The following TRIM41 variants were observed in gnomAD, a reference collection of about 807,000 sequenced individuals.
The protein encoded by TRIM41 is tripartite motif containing 41.
A neutral mutation model predicts 60.6 loss-of-function variants in TRIM41; 21 were observed. That is an observed-to-expected ratio of 0.35 (90% CI 0.25 to 0.50). The LOEUF (loss-of-function observed/expected upper bound fraction) is 0.50, where lower values mean the gene tolerates loss of function less well. Ranked by LOEUF, TRIM41 falls within the 20% of genes least tolerant of loss-of-function variation. The pLI is 0.98. For synonymous variants in TRIM41, 407 were observed against 344.9 expected (o/e 1.18, Z -2.00); for missense variants, 846 against 868.3 (o/e 0.97, Z 0.32).
In TRIM41 at chr5:181,233,672, G is replaced by A; in HGVS notation, c.1200G>A (p.Trp400Ter). 1 of 1,614,154 alleles carries A rather than the reference G, an allele frequency of 6.2e-7. No homozygotes were observed. The highest frequency in any genetic ancestry group is 8.5e-7 in the Non-Finnish European group (1 of 1,180,038). The change falls in exon 5 of 6, where the codon TGG (tryptophan) becomes TGA (stop). Residue 400 changes from tryptophan (W) to a stop codon, truncating the protein, a stop_gained. Transcript: ENST00000315073. LOFTEE classifies it high-confidence loss of function. This position sits in a 1 kb window ranked among gnomAD's most constrained non-coding sequence, Gnocchi z 4.1. ...TACAGCTGCAGCCCCCAGAGGTCTG[G>A]TCCCCTGACCCGTGCCAACCCCATA... ...EEVQLQPPEV[W>*]SPDPCQPHSH...
chr5:181,230,719 C>T (rs758518648), intron 1 of TRIM41, 25 bp from the exon 2 acceptor site: 6 of 1,605,104 alleles, frequency 3.7e-6, no homozygotes, highest in Admixed American at 1.7e-5. Context: ...TCCCAGCCCC[C>T]ACTTTTCTTT....
In TRIM41 at chr5:181,223,843, G is replaced by T. The variant is rs1011602393; in HGVS notation, c.-157G>T. ...TTTGGGAGTAGGGAACACTGTGTTG[G>T]GGTGGGTTGTCGGCAGGACATCTCT... On this transcript the variant is annotated 5_prime_UTR_variant, in exon 1 of 6. Transcript: ENST00000315073. 1.3e-5 allele frequency: 9 copies of T among 700,712 alleles called. No individual in the cohort carries two copies. Among genetic ancestry groups the T allele is most frequent in the Non-Finnish European group, 2.1e-5 (9 of 426,590 alleles). The allele number at this position is 700,712 out of a possible 1,614,324, so 43.4% of individuals were successfully genotyped here.
Position 181,223,293 on chromosome 5 carries a change from G to A in TRIM41, c.-707G>A. On this transcript the variant is annotated 5_prime_UTR_variant, in exon 1 of 6. Coordinates refer to ENST00000315073, the MANE Select transcript of TRIM41 (RefSeq NM_033549.5). ...GACCCACCCCCTCGCTTCCGGCATCGGCTGTGGGGAGTACCGGCTGCAGTC... is the reference window on the plus strand; with the variant it reads ...GACCCACCCCCTCGCTTCCGGCATCAGCTGTGGGGAGTACCGGCTGCAGTC... The A allele has an allele frequency of 5.0e-6, 2 of 398,838 alleles. No individual in the cohort carries two copies. The highest frequency in any genetic ancestry group is 4.1e-5 in the African/African-American group (2 of 48,778). The allele number at this position is 398,838 out of a possible 1,614,324, so 24.7% of individuals were successfully genotyped here.
rs1758434829 is a variant in TRIM41, at chr5:181,224,262, A to T, written c.263A>T (p.Asp88Val). 6.2e-7 allele frequency: 1 copy of T among 1,613,786 alleles called. No homozygotes were observed. Among genetic ancestry groups the T allele is most frequent in the Non-Finnish European group, 8.5e-7 (1 of 1,179,890 alleles). Reference sequence around the variant, plus strand: ...GCGGGGTGGGACACCCCCATGCGGGATGAAGACTACGAGGGTGACATGGAG... The same window carrying T: ...GCGGGGTGGGACACCCCCATGCGGGTTGAAGACTACGAGGGTGACATGGAG... ...AGAGWDTPMR[D>V]EDYEGDMEEE... Residue 88 changes from aspartate to valine, a missense_variant, in exon 1 of 6, where the codon GAT (aspartate) becomes GTT (valine). Asp to Val is a radical substitution (Grantham distance 152). Coordinates refer to ENST00000315073, the MANE Select transcript of TRIM41 (RefSeq NM_033549.5).
intron 2 of TRIM41, chr5:181,231,883 G>A (rs1758817523): frequency 6.6e-6 from 1 of 152,256 alleles, no homozygotes; most frequent in Admixed American, 6.5e-5. Context: ...CACCCAGGAA[G>A]GGCCATCCCT....
chr5:181,234,498 TGCCCCAGCA>T lies in TRIM41; in HGVS notation c.1622_1630del (p.Gln541_Pro543del). 6.2e-7 allele frequency: 1 copy of T among 1,613,872 alleles called. No individual in the cohort carries two copies. The highest frequency in any genetic ancestry group is 8.5e-7 in the Non-Finnish European group (1 of 1,179,844). On this transcript the variant is annotated inframe_deletion, in exon 6 of 6. Coordinates refer to ENST00000315073, the MANE Select transcript of TRIM41 (RefSeq NM_033549.5). The surrounding 1 kb of genome is among the most constrained non-coding windows in gnomAD (Gnocchi z 5.6). ...CACCATCGCCGCCGCCGGCTCCACC[TGCCCCAGCA>T]GCCCCTGCTCCAGCGGGAAGTGTGG...
chr5:181,234,837 C>A lies in TRIM41; in HGVS notation c.*62C>A. 6.2e-7 allele frequency: 1 copy of A among 1,606,594 alleles called. No homozygotes were observed. The highest frequency in any genetic ancestry group is 8.5e-7 in the Non-Finnish European group (1 of 1,176,646). On this transcript the variant is annotated 3_prime_UTR_variant, in exon 6 of 6. Coordinates refer to ENST00000315073, the MANE Select transcript of TRIM41 (RefSeq NM_033549.5). This position sits in a 1 kb window ranked among gnomAD's most constrained non-coding sequence, Gnocchi z 5.6. ...TTGGGGGGTGGGTGGTGGAGGGTGG[C>A]CCGTAAGTTTGAGGGCTCAAAGGCT...
rs745314117 is a variant in TRIM41, at chr5:181,234,709, G to A, written c.1827G>A (p.Leu609=). ...TGCACACCTTCTCGGCTGCCTTCCT[G>A]GGCGAGCGTGTCTTTCCTTTCTTCC... The part of the protein sequence containing the change: ...AHVHTFSAAF[L]GERVFPFFRV... The change falls in exon 6 of 6, where the codon CTG becomes CTA. Residue 609 remains leucine, a synonymous_variant. Coordinates refer to ENST00000315073, the MANE Select transcript of TRIM41 (RefSeq NM_033549.5). The surrounding 1 kb of genome is among the most constrained non-coding windows in gnomAD (Gnocchi z 5.6). 1.2e-6 allele frequency: 2 copies of A among 1,614,046 alleles called. No homozygotes were observed. The highest frequency in any genetic ancestry group is 1.7e-6 in the Non-Finnish European group (2 of 1,180,030).
chr5:181,235,512 C>T lies in TRIM41; in HGVS notation c.*737C>T. On this transcript the variant is annotated 3_prime_UTR_variant, in exon 6 of 6. Transcript: ENST00000315073. The stretch of plus-strand genomic sequence containing the variant: ...CAACCAAGGAGCAAAGCTCATCCCA[C>T]CCCACACCCCTCCCAGGTCTGCTCA... The T allele has an allele frequency of 2.2e-6, 3 of 1,356,074 alleles. No homozygotes were observed. The highest frequency in any genetic ancestry group is 3.1e-6 in the Non-Finnish European group (3 of 979,930). 84.0% of individuals were successfully genotyped at this position (1,356,074 alleles called of 1,614,324 possible). A position where few individuals can be genotyped will look rare whatever the true frequency, so the allele number is the denominator to read the frequency against.
chr5:181,224,051 G>T lies in TRIM41; in HGVS notation c.52G>T (p.Ala18Ser). ...PNPVQTLQEE[A>S]VCAICLDYFT... ...CCCTGTGCAGACCCTTCAGGAGGAG[G>T]CGGTGTGCGCCATCTGCCTCGATTA... Residue 18 changes from alanine to serine, a missense_variant, in exon 1 of 6, where the codon GCG (alanine) becomes TCG (serine). Ala to Ser is a moderately conservative substitution (Grantham distance 99). Coordinates refer to ENST00000315073, the MANE Select transcript of TRIM41 (RefSeq NM_033549.5). 1 of 1,614,246 alleles carries T rather than the reference G, an allele frequency of 6.2e-7. No individual in the cohort carries two copies. Among genetic ancestry groups the T allele is most frequent in the Non-Finnish European group, 8.5e-7 (1 of 1,180,050 alleles).
chr5:181,224,386 G>A lies in TRIM41; in HGVS notation c.387G>A (p.Glu129=). 6.2e-7 allele frequency: 1 copy of A among 1,612,662 alleles called. No homozygotes were observed. Among genetic ancestry groups the A allele is most frequent in the Non-Finnish European group, 8.5e-7 (1 of 1,178,890 alleles). The change falls in exon 1 of 6, where the codon GAG becomes GAA. Residue 129 remains glutamate, a synonymous_variant. Coordinates refer to ENST00000315073, the MANE Select transcript of TRIM41 (RefSeq NM_033549.5). ...NMDYVWEEED[E]EEDLDYYLGD... The stretch of plus-strand genomic sequence containing the variant: ...ACTATGTGTGGGAGGAGGAGGACGA[G>A]GAGGAAGACCTGGACTACTACTTGG...
chr5:181,223,929 G>C lies in TRIM41; in HGVS notation c.-71G>C, dbSNP rs1304010450. The C allele has an allele frequency of 1.3e-6, 2 of 1,505,996 alleles. No homozygotes were observed. Among genetic ancestry groups the C allele is most frequent in the African/African-American group, 2.8e-5 (2 of 72,648 alleles). The allele number at this position is 1,505,996 out of a possible 1,614,324, so 93.3% of individuals were successfully genotyped here. A position where few individuals can be genotyped will look rare whatever the true frequency, so the allele number is the denominator to read the frequency against. ...GCTGGGGGTGGAGCCGGGTCGCCAG[G>C]GCGTCGGTAGGGAAGACCCCCGCCC... is the stretch of plus-strand genomic sequence containing the variant. On this transcript the variant is annotated 5_prime_UTR_variant, in exon 1 of 6. Coordinates refer to ENST00000315073, the MANE Select transcript of TRIM41 (RefSeq NM_033549.5).
Position 181,224,508 on chromosome 5 carries a change from C to G in TRIM41, c.509C>G (p.Pro170Arg). Residue 170 changes from proline (P) to arginine (R), a missense_variant, in exon 1 of 6, where the codon CCA becomes CGA. Pro to Arg is a moderately radical substitution (Grantham distance 103, BLOSUM62 -2). Transcript: ENST00000315073. ...GAAGAGGATCTAGACCCCGTCACCCCACTGCCCCCGCCTCCAGCCCCTCGG... is the reference window on the plus strand; with the variant it reads ...GAAGAGGATCTAGACCCCGTCACCCGACTGCCCCCGCCTCCAGCCCCTCGG... ...VEEEDLDPVT[P>R]LPPPPAPRRC... The G allele has an allele frequency of 6.2e-7, 1 of 1,612,172 alleles. No homozygotes were observed.
chr5:181,224,283 T>G lies in TRIM41; in HGVS notation c.284T>G (p.Met95Arg), dbSNP rs779437870. The G allele has an allele frequency of 6.2e-6, 10 of 1,612,646 alleles. No homozygotes were observed. Among genetic ancestry groups the G allele is most frequent in the Non-Finnish European group, 5.1e-6 (6 of 1,179,806 alleles). The change falls in exon 1 of 6, where the codon ATG becomes AGG. Residue 95 changes from methionine (M) to arginine (R), a missense_variant. Physicochemically the swap from Met to Arg is moderately conservative, Grantham distance 91. Coordinates refer to ENST00000315073, the MANE Select transcript of TRIM41 (RefSeq NM_033549.5). ...PMRDEDYEGD[M>R]EEEVEEEEEG... ...CGGGATGAAGACTACGAGGGTGACA[T>G]GGAGGAGGAGGTCGAGGAGGAAGAA...
Position 181,230,830 on chromosome 5 carries a change from A to G in TRIM41, c.900A>G (p.Thr300=). The G allele has an allele frequency of 6.2e-7, 1 of 1,612,688 alleles. No homozygotes were observed. The highest frequency in any genetic ancestry group is 8.5e-7 in the Non-Finnish European group (1 of 1,179,030). ...AAGCCAAGGAGGAGAGGCGAGTGAC[A>G]GAACTGAAGGTGGGTGAATGTTCTC... ...KMKAKEERRV[T]ELKSQMKSEL... The change falls in exon 2 of 6, where the codon ACA becomes ACG. Residue 300 remains threonine (T), a synonymous_variant. Coordinates refer to ENST00000315073, the MANE Select transcript of TRIM41 (RefSeq NM_033549.5).
In TRIM41 at chr5:181,235,583, C is replaced by A; in HGVS notation, c.*808C>A. On this transcript the variant is annotated 3_prime_UTR_variant, in exon 6 of 6. Transcript: ENST00000315073. ...TTGTTCAGTGGAGCTGGCTTTTCTCCCAGCCCCTTTCCATGCCTTTCACTC... is the reference window on the plus strand; with the variant it reads ...TTGTTCAGTGGAGCTGGCTTTTCTCACAGCCCCTTTCCATGCCTTTCACTC... The A allele has an allele frequency of 1.3e-6, 1 of 757,644 alleles. No individual in the cohort carries two copies. The highest frequency in any genetic ancestry group is 2.1e-6 in the Non-Finnish European group (1 of 471,900). 46.9% of individuals were successfully genotyped at this position (757,644 alleles called of 1,614,324 possible).
chr5:181,230,289 TGA>T (rs1758734031), intron 1 of TRIM41: 1 of 156,112 alleles, frequency 6.4e-6, no homozygotes, highest in African/African-American at 2.4e-5. Flanking sequence ...GTCAGGAGAT[TGA>T]GACCATCCTG....
At position 181,233,770 on chromosome 5, in the gene TRIM41, AG is replaced by A. The variant is rs773540291; in HGVS notation, c.1291+9del. The A allele has an allele frequency of 5.3e-5, 86 of 1,613,978 alleles. No homozygotes were observed. Among genetic ancestry groups the A allele is most frequent in the Non-Finnish European group, 6.9e-5 (82 of 1,180,018 alleles). On this transcript the variant is annotated splice_region_variant and intron_variant, in intron 5 of 5. Transcript: ENST00000315073. The surrounding 1 kb of genome is among the most constrained non-coding windows in gnomAD (Gnocchi z 4.1). The stretch of plus-strand genomic sequence containing the variant: ...TTCTGTCAGGCTGCGAGAGGTAGGG[AG>A]GTCACCTCCACGACCTTCCTTTGCC...
At position 181,223,948 on chromosome 5, in the gene TRIM41, C is replaced by T; in HGVS notation, c.-52C>T. On this transcript the variant is annotated 5_prime_UTR_variant, in exon 1 of 6. Coordinates refer to ENST00000315073, the MANE Select transcript of TRIM41 (RefSeq NM_033549.5). Reference sequence around the variant, plus strand: ...CGCCAGGGCGTCGGTAGGGAAGACCCCCGCCCCTCGCCCCCCCACCGAACC... The same window carrying T: ...CGCCAGGGCGTCGGTAGGGAAGACCTCCGCCCCTCGCCCCCCCACCGAACC... 2.6e-6 allele frequency: 4 copies of T among 1,525,500 alleles called. No individual in the cohort carries two copies. Among genetic ancestry groups the T allele is most frequent in the Non-Finnish European group, 3.5e-6 (4 of 1,132,334 alleles). 94.5% of individuals were successfully genotyped at this position (1,525,500 alleles called of 1,614,324 possible). A position where few individuals can be genotyped will look rare whatever the true frequency, so the allele number is the denominator to read the frequency against.
Sources: gnomAD v4.1 joint callset for allele counts on GRCh38, gnomAD v4.1.1 for gene constraint, Gnocchi (gnomAD v3.1) non-coding constraint, MANE v1.5 for transcripts, NCBI Gene and HGNC (gene_info 2026-07-23, HGNC 2026-07-21) for gene names.